The following DMD variants were observed in gnomAD, a reference collection of about 807,000 sequenced individuals.
DMD encodes the protein dystrophin.
In DMD, 63 loss-of-function variants were observed where a neutral mutation model predicts 330.1. The observed-to-expected ratio is 0.19, with a 90% CI of 0.16 to 0.24. DMD has a LOEUF of 0.24. Ranked by LOEUF, DMD falls within the 10% of genes least tolerant of loss-of-function variation. The pLI, the probability that DMD is intolerant of heterozygous loss-of-function variation, is 1.00. For missense variants in DMD, 3,344 were observed against 2,684.1 expected, an observed-to-expected ratio of 1.25 and a Z score of -5.43; for synonymous variants, 1,223 against 959.8, an observed-to-expected ratio of 1.27 and a Z score of -5.07.
At chrX:31,422,043 A>ATTTTT (rs369198579) in intron 60 of DMD, among the ~76,000 whole-genome samples, 8 of 28,764 alleles carry the variant, frequency 2.8e-4, no homozygotes, top group Middle Eastern at 0.024. Flanking sequence ...ATATATATAT[A>ATTTTT]TTTTTTTTTT....
At chrX:33,025,131 A>C in intron 1 of DMD, among the ~76,000 whole-genome samples, 1 of 112,126 alleles carries the variant, frequency 8.9e-6, no homozygotes. Context: ...GGAGAAAGGA[A>C]TATGTAGCCA....
intron 44 of DMD, among the ~76,000 whole-genome samples, chrX:32,164,803 CA>C (rs199901860): frequency 0.028 from 3,095 of 108,777 alleles, 104 homozygotes; most frequent in African/African-American, 0.099. Flanking sequence ...GTCCCCCCCC[CA>C]ACCCCACCAC....
intron 28 of DMD, among the ~76,000 whole-genome samples, chrX:32,440,022 C>G (rs1374354487): frequency 2.7e-5 from 3 of 111,028 alleles, no homozygotes; most frequent in Non-Finnish European, 5.7e-5. Flanking sequence ...TGTGAACATG[C>G]CCTAGTTTTT....
chrX:31,838,464 C>T (rs766073108), intron 48 of DMD, among the ~76,000 whole-genome samples: 2 of 111,962 alleles, frequency 1.8e-5, no homozygotes, highest in South Asian at 3.7e-4. Context: ...ATTATATATG[C>T]ATTACACATA....
intron 44 of DMD, among the ~76,000 whole-genome samples, chrX:32,188,892 C>T (rs1314146288): frequency 9.1e-6 from 1 of 110,403 alleles, no homozygotes; most frequent in Non-Finnish European, 1.9e-5. Context: ...AGTTTAATGA[C>T]AATAAATCTT....
intron 44 of DMD, among the ~76,000 whole-genome samples, chrX:32,113,037 AG>A (rs2146652307): frequency 8.9e-6 from 1 of 112,985 alleles, no homozygotes; most frequent in African/African-American, 3.2e-5. Flanking sequence ...GCTAGTTAAC[AG>A]CAGAGTCAAA....
At chrX:32,105,033 A>C (rs1046319966) in intron 44 of DMD, among the ~76,000 whole-genome samples, 2 of 112,255 alleles carry the variant, frequency 1.8e-5, no homozygotes, top group African/African-American at 6.5e-5. Context: ...AGGGGAAATT[A>C]ACTATAAACA....
intron 1 of DMD, among the ~76,000 whole-genome samples, chrX:33,085,370 C>A (rs1178598422): frequency 1.8e-5 from 2 of 111,344 alleles, no homozygotes; most frequent in African/African-American, 3.3e-5. Context: ...TACTATAGCA[C>A]TAAGTGCCAC....
intron 7 of DMD, among the ~76,000 whole-genome samples, chrX:32,728,920 C>T (rs2067205366): frequency 1.8e-5 from 2 of 111,928 alleles, no homozygotes; most frequent in Admixed American, 1.9e-4. Context: ...AATACTTTTA[C>T]CTATCCACTC....
At chrX:32,921,841 A>C (rs2088443601) in intron 2 of DMD, among the ~76,000 whole-genome samples, 1 of 111,415 alleles carries the variant, frequency 9.0e-6, no homozygotes, top group Non-Finnish European at 1.9e-5. Context: ...TTATCCATGC[A>C]CCCATCCATC....
At chrX:32,359,582 C>T (rs1178438443) in intron 37 of DMD, among the ~76,000 whole-genome samples, 1 of 111,408 alleles carries the variant, frequency 9.0e-6, no homozygotes, top group Non-Finnish European at 1.9e-5. Context: ...AAGGCTACCC[C>T]CTAAAACCTC....
intron 55 of DMD, among the ~76,000 whole-genome samples, chrX:31,523,927 T>TC (rs34006241): frequency 0.16 from 17,602 of 111,747 alleles, 1,652 homozygotes; most frequent in African/African-American, 0.34. Context: ...TTATGTGCTT[T>TC]CCATAGCCCA....
intron 44 of DMD, among the ~76,000 whole-genome samples, chrX:31,985,712 TAAAC>T (rs992229643): frequency 2.2e-4 from 25 of 112,090 alleles, no homozygotes; most frequent in Admixed American, 2.2e-3. Flanking sequence ...AGACAAACAA[TAAAC>T]AAACAAAGAT....
intron 1 of DMD, among the ~76,000 whole-genome samples, chrX:33,042,389 G>A (rs771337930): frequency 6.2e-5 from 7 of 112,070 alleles, no homozygotes; most frequent in African/African-American, 2.3e-4. Flanking sequence ...CACAAAAGAC[G>A]AGCAGATGAT....
intron 53 of DMD, among the ~76,000 whole-genome samples, chrX:31,665,812 C>G (rs1228980076): frequency 9.0e-6 from 1 of 111,690 alleles, no homozygotes; most frequent in African/African-American, 3.3e-5. Context: ...TATAATTAAA[C>G]TAATGGCATA....
intron 2 of DMD, among the ~76,000 whole-genome samples, chrX:32,976,281 T>C (rs1441137705): frequency 9.1e-6 from 1 of 109,955 alleles, no homozygotes; most frequent in African/African-American, 3.3e-5. Flanking sequence ...CACCATACCC[T>C]GGGTACATTT....
intron 37 of DMD, among the ~76,000 whole-genome samples, chrX:32,350,397 G>T (rs189655610): frequency 1.8e-5 from 2 of 110,825 alleles, no homozygotes; most frequent in East Asian, 2.8e-4. Context: ...TATCTTTCCC[G>T]CAAACTGCTT....
intron 59 of DMD, among the ~76,000 whole-genome samples, chrX:31,453,851 A>C (rs1338712664): frequency 1.9e-5 from 2 of 106,939 alleles, no homozygotes; most frequent in Admixed American, 1.0e-4. Flanking sequence ...ATAGTTCATG[A>C]GTGTTTCACA....
chrX:31,476,412 T>C (rs867989268), intron 59 of DMD, among the ~76,000 whole-genome samples: 11 of 97,806 alleles, frequency 1.1e-4, no homozygotes, highest in African/African-American at 3.9e-4. Flanking sequence ...TATATATATA[T>C]ATATATATAC....
Sources: allele counts gnomAD v4.1 joint callset (sites outside exome capture counted in the v4.1 genomes callset), GRCh38; gene constraint gnomAD v4.1.1; transcripts MANE v1.5; gene names NCBI Gene and HGNC (gene_info 2026-07-23, HGNC 2026-07-21).